The following TRAK1 variants were observed in gnomAD, a reference collection of about 807,000 sequenced individuals.
TRAK1 encodes the protein trafficking kinesin-binding protein 1.
TRAK1 carries 33 observed loss-of-function variants against 92.1 expected under a neutral mutation model. The observed-to-expected ratio is 0.36, with a 90% CI of 0.27 to 0.48. TRAK1 has a LOEUF of 0.48. TRAK1 is among the 20% of genes least tolerant of loss of function. The pLI is 0.99. For missense variants in TRAK1, 1,123 were observed against 1,257.9 expected (o/e 0.89, Z 1.62); for synonymous variants, 521 against 517.3 (o/e 1.01, Z -0.10).
Position 42,223,571 on chromosome 3 carries a change from C to A in TRAK1, c.2696C>A (p.Pro899His). 6.2e-7 allele frequency: 1 copy of A among 1,613,936 alleles called. No individual in the cohort carries two copies. Among genetic ancestry groups the A allele is most frequent in the Non-Finnish European group, 8.5e-7 (1 of 1,180,008 alleles). Residue 899 changes from proline to histidine, a missense_variant, in exon 16 of 16, where the codon CCC becomes CAC. Pro to His is a moderately conservative substitution (Grantham distance 77). Transcript: ENST00000327628. The surrounding 1 kb of genome is among the most constrained non-coding windows in gnomAD (Gnocchi z 6.1). ...CCTGAGGGCCTGCCCCTCAGATGCC[C>A]CACTGTCACCAGTGCCATCGGTGGG... Reference protein sequence around the residue: ...LVPEGLPLRCPTVTSAIGGLQ... With the variant: ...LVPEGLPLRCHTVTSAIGGLQ...
At chr3:42,197,556 G>T (rs1706930422) in intron 10 of TRAK1, among the ~76,000 whole-genome samples, 1 of 152,142 alleles carries the variant, frequency 6.6e-6, no homozygotes, top group Non-Finnish European at 1.5e-5. Flanking sequence ...TTTTCTTAAG[G>T]TGTATGAAGG....
intron 1 of TRAK1, among the ~76,000 whole-genome samples, chr3:42,112,474 C>T (rs919988112): frequency 2.0e-5 from 3 of 150,382 alleles, no homozygotes; most frequent in Admixed American, 6.6e-5. Context: ...GTGGCTCATG[C>T]CTGTAATCCC....
chr3:42,085,854 T>A (rs1012666222), upstream of TRAK1, among the ~76,000 whole-genome samples: 2 of 152,196 alleles, frequency 1.3e-5, no homozygotes, highest in Non-Finnish European at 2.9e-5. Context: ...CACACGGATA[T>A]GAAAGTTCCA....
intron 10 of TRAK1, among the ~76,000 whole-genome samples, chr3:42,195,192 A>G (rs2149443214): frequency 6.6e-6 from 1 of 152,346 alleles, no homozygotes; most frequent in Middle Eastern, 3.4e-3. Flanking sequence ...TAAATTTAGT[A>G]GGAACTTGCT....
chr3:42,112,362 A>C (rs910419180), intron 1 of TRAK1, among the ~76,000 whole-genome samples: 2 of 146,690 alleles, frequency 1.4e-5, no homozygotes, highest in Non-Finnish European at 3.0e-5. Flanking sequence ...TGGGAGGTGG[A>C]GGTTGCAGTG....
At chr3:42,037,212 T>C (rs1019600797) in intron 1 of TRAK1, among the ~76,000 whole-genome samples, 1 of 152,242 alleles carries the variant, frequency 6.6e-6, no homozygotes, top group Non-Finnish European at 1.5e-5. Flanking sequence ...CCATAGAAGC[T>C]GCTTTTAGAG....
At chr3:42,021,702 A>C (rs1235184382) in intron 1 of TRAK1, among the ~76,000 whole-genome samples, 1 of 151,878 alleles carries the variant, frequency 6.6e-6, no homozygotes, top group African/African-American at 2.4e-5. Context: ...TCAGCCTCCT[A>C]AGTAGCTGGG....
At position 42,182,110 on chromosome 3, in the gene TRAK1, C is replaced by T. The variant is rs376982791; in HGVS notation, c.364-2575C>T. Among the ~76,000 whole-genome samples, 79 of 151,930 alleles carry T rather than the reference C, an allele frequency of 5.2e-4. No individual in the cohort carries two copies. In the South Asian group the frequency reaches 0.01, roughly 20 times the overall value. On this transcript the variant is annotated intron_variant, in intron 3 of 15. Transcript: ENST00000327628. ...GAGCCACTGCACCCGGCCAAGGGAACTTCTTGGTAGACACTGACCAGTGTG... is the reference window on the plus strand; with the variant it reads ...GAGCCACTGCACCCGGCCAAGGGAATTTCTTGGTAGACACTGACCAGTGTG...
chr3:42,064,609 T>G (rs1241163796), intron 1 of TRAK1, among the ~76,000 whole-genome samples: 1 of 152,230 alleles, frequency 6.6e-6, no homozygotes, highest in Admixed American at 6.5e-5. Context: ...ATAAATACTT[T>G]AAGCAGACTA....
At chr3:42,091,233 A>G, upstream of TRAK1, 7 of 499,408 alleles carry the variant, frequency 1.4e-5, no homozygotes, top group South Asian at 2.0e-4. Flanking sequence ...TGGGTGCGTC[A>G]TTTTCTGTTT....
At chr3:42,118,022 G>A (rs9882102) in intron 1 of TRAK1, among the ~76,000 whole-genome samples, 82,395 of 151,320 alleles carry the variant, frequency 0.54, 23,039 homozygotes, top group South Asian at 0.7. Context: ...GTTTCACCAT[G>A]TTGGCCAAGA....
At chr3:42,139,501 C>A (rs992561205) in intron 2 of TRAK1, among the ~76,000 whole-genome samples, 1 of 152,116 alleles carries the variant, frequency 6.6e-6, no homozygotes, top group Non-Finnish European at 1.5e-5. Context: ...CAAAGGCAGC[C>A]TCATACCAGG....
Position 42,223,339 on chromosome 3 carries a change from G to T in TRAK1, c.2464G>T (p.Val822Leu), listed in dbSNP as rs1342617212. 1 of 1,614,250 alleles carries T rather than the reference G, an allele frequency of 6.2e-7. No homozygotes were observed. Among genetic ancestry groups the T allele is most frequent in the African/African-American group, 1.3e-5 (1 of 75,070 alleles). ...GCCAGCCAGCTCCATCCTGAGGGAA[G>T]TGAGAGAAAAGAACGTCCGCAGCAG... ...SKPASSILRE[V>L]REKNVRSSES... Residue 822 changes from valine to leucine, a missense_variant, in exon 16 of 16, where the codon GTG becomes TTG. Val to Leu is a conservative substitution (Grantham distance 32). This residue lies in a region of TRAK1 where 401 missense variants were observed against 438.9 expected (regional missense o/e 0.91). Transcript: ENST00000327628. This position sits in a 1 kb window ranked among gnomAD's most constrained non-coding sequence, Gnocchi z 6.1.
At chr3:42,201,126 A>C (rs993529854) in intron 12 of TRAK1, 72 bp downstream of exon 12, 1 of 1,499,998 alleles carries the variant, frequency 6.7e-7, no homozygotes, top group African/African-American at 1.4e-5. Context: ...CTGCAGGCTC[A>C]GTAATTATTA....
At chr3:42,172,297 C>T (rs1404134191) in intron 2 of TRAK1, among the ~76,000 whole-genome samples, 1 of 152,216 alleles carries the variant, frequency 6.6e-6, no homozygotes, top group Non-Finnish European at 1.5e-5. Context: ...CGCATCTTGC[C>T]TCTGACTTTC....
chr3:42,018,744 G>T (rs1360454532), intron 1 of TRAK1, among the ~76,000 whole-genome samples: 2 of 152,098 alleles, frequency 1.3e-5, no homozygotes, highest in Non-Finnish European at 2.9e-5. Flanking sequence ...AGATGTCACC[G>T]TCTACTAATT....
intron 1 of TRAK1, among the ~76,000 whole-genome samples, chr3:42,096,366 C>T (rs749038807): frequency 6.6e-6 from 1 of 152,144 alleles, no homozygotes; most frequent in Non-Finnish European, 1.5e-5. Context: ...GATTCTCCTG[C>T]CTCAGCCTCC....
In TRAK1 at chr3:42,199,241, C is replaced by G. The variant is rs372269973; in HGVS notation, c.1178C>G (p.Ser393Cys). The change falls in exon 11 of 16, where the codon TCT becomes TGT. Residue 393 changes from serine to cysteine, a missense_variant. Coordinates refer to ENST00000327628, the MANE Select transcript of TRAK1 (RefSeq NM_001042646.3). Reference protein sequence around the residue: ...RKELQLEEAESPDITHQKRVF... With the variant: ...RKELQLEEAECPDITHQKRVF... ...GAGCTGCAGTTGGAAGAGGCCGAGT[C>G]TCCAGACATCACGTACGGCCACAGT... is the stretch of plus-strand genomic sequence containing the variant. 1.2e-4 allele frequency: 187 copies of G among 1,613,906 alleles called. No homozygotes were observed. Among genetic ancestry groups the G allele is most frequent in the Non-Finnish European group, 1.5e-4 (175 of 1,180,028 alleles).
intron 2 of TRAK1, among the ~76,000 whole-genome samples, chr3:42,155,242 C>T (rs1423239030): frequency 6.6e-6 from 1 of 151,914 alleles, no homozygotes. Context: ...AACTTGGAAA[C>T]GTGGGATACT....
Sources: gnomAD v4.1 joint callset for allele counts (sites outside exome capture counted in the v4.1 genomes callset) on GRCh38, gnomAD v4.1.1 for gene constraint, gnomAD v4.1.1 regional missense constraint, Gnocchi (gnomAD v3.1) non-coding constraint, MANE v1.5 for transcripts, NCBI Gene and HGNC (gene_info 2026-07-23, HGNC 2026-07-21) for gene names.